The following ASPRV1 variants were observed in gnomAD, a reference collection of about 807,000 sequenced individuals.
The protein encoded by ASPRV1 is aspartic peptidase retroviral like 1.
ASPRV1 carries 7 observed loss-of-function variants against 11.0 expected under a neutral mutation model. The observed-to-expected ratio is 0.64, with a 90% CI of 0.36 to 1.20. ASPRV1 has a LOEUF of 1.20. Among genes scored for constraint, ASPRV1 ranks in the 50% most tolerant of loss-of-function variants. The pLI, the probability that ASPRV1 is intolerant of heterozygous loss-of-function variation, is 0.02. For missense variants in ASPRV1, 299 were observed against 320.0 expected (o/e 0.93, Z 0.50); for synonymous variants, 136 against 138.4 (o/e 0.98, Z 0.12).
the ASPRV1 span, among the ~76,000 whole-genome samples, chr2:70,077,883 A>G: frequency 6.8e-6 from 1 of 146,734 alleles, no homozygotes; most frequent in Non-Finnish European, 1.5e-5. Flanking sequence ...AATTAAATAA[A>G]TTAGCCGGGC....
chr2:70,045,040 A>G, the ASPRV1 span, among the ~76,000 whole-genome samples: 13 of 152,288 alleles, frequency 8.5e-5, no homozygotes, highest in Non-Finnish European at 1.5e-4. Context: ...TCTTTCCCAC[A>G]TATGTTGCTG....
At chr2:70,047,719 T>C in the ASPRV1 span, among the ~76,000 whole-genome samples, 1 of 152,106 alleles carries the variant, frequency 6.6e-6, no homozygotes, top group African/African-American at 2.4e-5. Flanking sequence ...TCAGGTGAGA[T>C]GGTCAGGCTA....
the ASPRV1 span, chr2:69,935,237 C>T: frequency 2.8e-6 from 2 of 706,318 alleles, no homozygotes; most frequent in African/African-American, 3.6e-5. Context: ...TCATTGGTAG[C>T]ATTTGCCATC....
chr2:70,004,405 C>T, the ASPRV1 span, among the ~76,000 whole-genome samples: 1 of 151,858 alleles, frequency 6.6e-6, no homozygotes, highest in Non-Finnish European at 1.5e-5. Context: ...TGGCGCACAC[C>T]TGTAGTCCCA....
chr2:70,076,450 T>A, the ASPRV1 span, among the ~76,000 whole-genome samples: 1 of 152,264 alleles, frequency 6.6e-6, no homozygotes. Flanking sequence ...GTAAGCACTT[T>A]CTATGTGCCA....
the ASPRV1 span, among the ~76,000 whole-genome samples, chr2:70,013,122 T>C: frequency 3.9e-5 from 6 of 152,232 alleles, no homozygotes; most frequent in African/African-American, 1.2e-4. Flanking sequence ...TGCCTACATT[T>C]AGAAGATGTG....
At chr2:70,077,782 G>C in the ASPRV1 span, among the ~76,000 whole-genome samples, 1 of 151,524 alleles carries the variant, frequency 6.6e-6, no homozygotes, top group South Asian at 2.1e-4. Flanking sequence ...TTGAATACGG[G>C]AGGCAGAGGT....
chr2:70,000,265 T>A, the ASPRV1 span, among the ~76,000 whole-genome samples: 1 of 150,496 alleles, frequency 6.6e-6, no homozygotes, highest in Non-Finnish European at 1.5e-5. Flanking sequence ...GGAGTATTAC[T>A]TGAGGCCAGA....
At chr2:70,077,005 G>C in the ASPRV1 span, among the ~76,000 whole-genome samples, 1 of 152,192 alleles carries the variant, frequency 6.6e-6, no homozygotes, top group Non-Finnish European at 1.5e-5. Context: ...CAGTTTTCTT[G>C]TTCAAGGCCA....
the ASPRV1 span, among the ~76,000 whole-genome samples, chr2:69,989,456 G>C: frequency 3.9e-5 from 6 of 152,216 alleles, no homozygotes. Flanking sequence ...GGGCCTCAGA[G>C]TTCAGGCCTT....
At chr2:70,036,854 T>C in the ASPRV1 span, among the ~76,000 whole-genome samples, 3 of 151,966 alleles carry the variant, frequency 2.0e-5, no homozygotes, top group Non-Finnish European at 2.9e-5. Context: ...TTAAATGCTG[T>C]TGTGGCTGTT....
the ASPRV1 span, among the ~76,000 whole-genome samples, chr2:70,040,522 A>T: frequency 6.6e-6 from 1 of 152,170 alleles, no homozygotes; most frequent in Non-Finnish European, 1.5e-5. Flanking sequence ...AGTTTTCCAC[A>T]GTTATAAGCC....
chr2:70,073,373 G>A, the ASPRV1 span: 4 of 152,084 alleles, frequency 2.6e-5, no homozygotes, highest in Non-Finnish European at 4.4e-5. Context: ...CAACCAGGCA[G>A]TACAACTTAG....
At chr2:69,986,177 A>G in the ASPRV1 span, among the ~76,000 whole-genome samples, 1 of 152,220 alleles carries the variant, frequency 6.6e-6, no homozygotes, top group African/African-American at 2.4e-5. Context: ...CAAGGCGTCT[A>G]ATATGAATCC....
the ASPRV1 span, among the ~76,000 whole-genome samples, chr2:69,950,932 T>C: frequency 6.6e-6 from 1 of 150,738 alleles, no homozygotes; most frequent in Admixed American, 6.6e-5. Context: ...AGTATGAAAG[T>C]TTACAAAACA....
At chr2:69,961,790 G>A, upstream of ASPRV1, 1 of 1,304,384 alleles carries the variant, frequency 7.7e-7, no homozygotes, top group Non-Finnish European at 1.1e-6. Context: ...TCCATCCTTG[G>A]ACCAACACCA....
chr2:70,034,021 G>A, the ASPRV1 span, among the ~76,000 whole-genome samples: 1 of 151,868 alleles, frequency 6.6e-6, no homozygotes, highest in African/African-American at 2.4e-5. Flanking sequence ...GGGCGAGGTG[G>A]TGGGCGCCTG....
At chr2:69,989,902 G>A in the ASPRV1 span, among the ~76,000 whole-genome samples, 3 of 152,240 alleles carry the variant, frequency 2.0e-5, no homozygotes, top group African/African-American at 4.8e-5. Flanking sequence ...TTAAATCAGC[G>A]GTGATGATGA....
chr2:70,056,373 A>C, the ASPRV1 span: 1 of 152,236 alleles, frequency 6.6e-6, no homozygotes, highest in East Asian at 1.9e-4. Flanking sequence ...TGAGAGGCCG[A>C]GGCGGGCGGA....
Sources: gnomAD v4.1 joint callset for allele counts (sites outside exome capture counted in the v4.1 genomes callset) on GRCh38, gnomAD v4.1.1 for gene constraint, MANE v1.5 for transcripts, NCBI Gene and HGNC (gene_info 2026-07-23, HGNC 2026-07-21) for gene names.